TNIK: variants seen among roughly 807,000 people sequenced by gnomAD.
The protein encoded by TNIK is TRAF2 and NCK-interacting protein kinase.
A neutral mutation model predicts 191.3 loss-of-function variants in TNIK; 49 were observed. The observed-to-expected ratio is 0.26, with a 90% CI of 0.20 to 0.32. TNIK has a LOEUF of 0.32. TNIK is among the 10% of genes least tolerant of loss of function. The pLI is 1.00. For missense variants in TNIK, 1,155 were observed against 1,702.3 expected (o/e 0.68, Z 5.66); for synonymous variants, 594 against 600.9 (o/e 0.99, Z 0.17).
chr3:171,452,502 G>A (rs1397250557), intron 1 of TNIK, among the ~76,000 whole-genome samples: 2 of 151,996 alleles, frequency 1.3e-5, no homozygotes, highest in Non-Finnish European at 2.9e-5. Context: ...GTCAGAGCCA[G>A]CTTTATGACG....
At chr3:171,277,290 C>G (rs1487403236) in intron 2 of TNIK, among the ~76,000 whole-genome samples, 1 of 152,084 alleles carries the variant, frequency 6.6e-6, no homozygotes, top group Non-Finnish European at 1.5e-5. Flanking sequence ...TCTCATTTCT[C>G]TATAAATTAT....
intron 22 of TNIK, among the ~76,000 whole-genome samples, chr3:171,101,061 A>G (rs1311478822): frequency 6.6e-6 from 1 of 151,986 alleles, no homozygotes. Flanking sequence ...TACATGTTTT[A>G]TGTTGTTAAT....
chr3:171,182,022 T>C (rs1195207875), intron 7 of TNIK, among the ~76,000 whole-genome samples: 3 of 152,248 alleles, frequency 2.0e-5, no homozygotes, highest in African/African-American at 7.2e-5. Context: ...AGAATCCCTC[T>C]TGGGCAGCCT....
At position 171,128,694 on chromosome 3, in the gene TNIK, G is replaced by A; in HGVS notation, c.1773+20C>T. On this transcript the variant is annotated intron_variant, in intron 16 of 32. Transcript: ENST00000436636. ...TGTGCAACTTATTGGAATGCCTGAT[G>A]GAATGGAGGCAGACTGTACCTGGGG... is the stretch of plus-strand genomic sequence containing the variant. 6.3e-7 allele frequency: 1 copy of A among 1,592,498 alleles called. No homozygotes were observed. The highest frequency in any genetic ancestry group is 1.1e-5 in the South Asian group (1 of 87,746).
chr3:171,343,344 C>A (rs1442489465), intron 2 of TNIK, among the ~76,000 whole-genome samples: 1 of 152,132 alleles, frequency 6.6e-6, no homozygotes, highest in Non-Finnish European at 1.5e-5. Context: ...TAAAATGAGA[C>A]TAAACTAGAG....
intron 2 of TNIK, among the ~76,000 whole-genome samples, chr3:171,287,213 AC>A (rs201167795): frequency 4.8e-4 from 73 of 152,250 alleles, no homozygotes; most frequent in African/African-American, 1.8e-3. Flanking sequence ...AACAGAAACA[AC>A]AAAAAAAACC....
chr3:171,435,258 T>C (rs1280468309), intron 1 of TNIK, among the ~76,000 whole-genome samples: 1 of 152,202 alleles, frequency 6.6e-6, no homozygotes, highest in Non-Finnish European at 1.5e-5. Flanking sequence ...ACAGGTTGTG[T>C]TGCATGACTT....
chr3:171,127,391 T>C (rs189938240), intron 16 of TNIK, among the ~76,000 whole-genome samples: 6 of 151,552 alleles, frequency 4.0e-5, no homozygotes, highest in Admixed American at 1.3e-4. Flanking sequence ...TAAAAAAATA[T>C]CTAGTATAAA....
intron 2 of TNIK, among the ~76,000 whole-genome samples, chr3:171,354,739 T>C (rs538798998): frequency 6.6e-6 from 1 of 152,296 alleles, no homozygotes; most frequent in South Asian, 2.1e-4. Flanking sequence ...AAGAAAACAT[T>C]GTCAATACCT....
At chr3:171,444,574 T>TAA (rs776537688) in intron 1 of TNIK, among the ~76,000 whole-genome samples, 2 of 90,838 alleles carry the variant, frequency 2.2e-5, no homozygotes, top group South Asian at 3.3e-4. Flanking sequence ...ATAAACTTGC[T>TAA]AAAAAAAAAA....
chr3:171,069,113 A>G (rs1718857860), intron 29 of TNIK, 116 bp from the exon 30 acceptor site: 2 of 1,313,314 alleles, frequency 1.5e-6, no homozygotes, highest in South Asian at 1.6e-5. Flanking sequence ...AAAAACTAGA[A>G]AATTTCTCTT....
intron 1 of TNIK, among the ~76,000 whole-genome samples, chr3:171,411,870 T>C (rs1722473468): frequency 6.6e-6 from 1 of 152,202 alleles, no homozygotes; most frequent in African/African-American, 2.4e-5. Flanking sequence ...TTCTAGGCCC[T>C]AGAAGAACAC....
At chr3:171,239,529 T>G (rs1744697891) in intron 2 of TNIK, among the ~76,000 whole-genome samples, 1 of 152,186 alleles carries the variant, frequency 6.6e-6, no homozygotes, top group South Asian at 2.1e-4. Flanking sequence ...CTCTCCACAG[T>G]GTATGAAAGA....
chr3:171,198,962 C>T (rs1739063329), intron 4 of TNIK, among the ~76,000 whole-genome samples: 1 of 152,180 alleles, frequency 6.6e-6, no homozygotes, highest in Non-Finnish European at 1.5e-5. Flanking sequence ...CACCACTGAG[C>T]TTTATTAGGC....
At position 171,403,215 on chromosome 3, in the gene TNIK, T is replaced by C. The variant is rs574188936; in HGVS notation, c.58-33530A>G. Among the ~76,000 whole-genome samples the C allele has an allele frequency of 7.9e-5, 12 of 152,310 alleles. No homozygotes were observed. The East Asian group carries it at 2.3e-3, about 29-fold the overall frequency. ...AGATGAAACAGATGAATAGCTGCTG[T>C]GGCTAAATACGTTAAAGAGAACAGC... On this transcript the variant is annotated intron_variant, in intron 1 of 32. Coordinates refer to ENST00000436636, the MANE Select transcript of TNIK (RefSeq NM_015028.4).
At chr3:171,251,233 G>A (rs374456285) in intron 2 of TNIK, among the ~76,000 whole-genome samples, 10 of 152,252 alleles carry the variant, frequency 6.6e-5, no homozygotes, top group East Asian at 5.8e-4. Flanking sequence ...AACAGAGACC[G>A]GGACACAGAT....
In TNIK at chr3:171,166,996, G is replaced by A. The variant is rs909347213; in HGVS notation, c.949+99C>T. ...CCCCTCGCACTAAAGAATAATGCAG[G>A]CCCATTTGAAATCCCCATAGTCACC... On this transcript the variant is annotated intron_variant, in intron 10 of 32. Coordinates refer to ENST00000436636, the MANE Select transcript of TNIK (RefSeq NM_015028.4). 19 of 1,423,470 alleles carry A rather than the reference G, an allele frequency of 1.3e-5. No homozygotes were observed. In the African/African-American group the frequency reaches 2.4e-4, roughly 18 times the overall value. 88.2% of individuals were successfully genotyped at this position (1,423,470 alleles called of 1,614,324 possible).
At chr3:171,432,043 T>C (rs1384635145) in intron 1 of TNIK, among the ~76,000 whole-genome samples, 1 of 152,222 alleles carries the variant, frequency 6.6e-6, no homozygotes, top group Non-Finnish European at 1.5e-5. Context: ...GCATTTTTAA[T>C]AGTGTTTCCA....
chr3:171,367,473 T>TGG (rs200146363), intron 2 of TNIK, among the ~76,000 whole-genome samples: 5 of 118,504 alleles, frequency 4.2e-5, no homozygotes, highest in African/African-American at 1.5e-4. Context: ...AGCATTTTTT[T>TGG]GGGGGGGGGG....
Sources: gnomAD v4.1 joint callset for allele counts (sites outside exome capture counted in the v4.1 genomes callset) on GRCh38, gnomAD v4.1.1 for gene constraint, MANE v1.5 for transcripts, NCBI Gene and HGNC (gene_info 2026-07-23, HGNC 2026-07-21) for gene names.